Variants in SLC35F3 observed in about 807,000 individuals in gnomAD.
The protein encoded by SLC35F3 is solute carrier family 35 member F3, also known as putative thiamine transporter SLC35F3.
A neutral mutation model predicts 49.9 loss-of-function variants in SLC35F3; 25 were observed. The observed-to-expected ratio is 0.50, with a 90% confidence interval of 0.37 to 0.70. The LOEUF is 0.70. SLC35F3 is among the 30% of genes least tolerant of loss of function. The pLI, the probability that SLC35F3 is intolerant of heterozygous loss-of-function variation, is 0.00. For missense variants in SLC35F3, 525 were observed against 639.8 expected (o/e 0.82, Z 1.94); for synonymous variants, 275 against 265.4 (o/e 1.04, Z -0.35).
chr1:234,197,248 A>T (rs185088528), intron 2 of SLC35F3, among the ~76,000 whole-genome samples: 1 of 152,312 alleles, frequency 6.6e-6, no homozygotes, highest in East Asian at 1.9e-4. Context: ...CCCTATCATG[A>T]GGTGTTGCTG....
intron 2 of SLC35F3, among the ~76,000 whole-genome samples, chr1:234,113,618 C>G (rs1268285878): frequency 6.6e-6 from 1 of 152,150 alleles, no homozygotes; most frequent in East Asian, 1.9e-4. Flanking sequence ...AATCCCAGCA[C>G]TTTGGGAGGA....
At chr1:233,981,484 T>G (rs35115752) in intron 2 of SLC35F3, among the ~76,000 whole-genome samples, 30,569 of 152,162 alleles carry the variant, frequency 0.2, 3,358 homozygotes, top group East Asian at 0.38. Flanking sequence ...AGTCACGTGG[T>G]GCAGGATCCT....
chr1:233,999,591 C>T (rs1476838731), intron 2 of SLC35F3, among the ~76,000 whole-genome samples: 1 of 152,026 alleles, frequency 6.6e-6, no homozygotes, highest in Non-Finnish European at 1.5e-5. Flanking sequence ...TTTCCTGTTT[C>T]GCTTCCCATC....
At chr1:234,134,173 A>G (rs549957810) in intron 2 of SLC35F3, among the ~76,000 whole-genome samples, 3 of 152,040 alleles carry the variant, frequency 2.0e-5, no homozygotes, top group East Asian at 3.9e-4. Flanking sequence ...AGCGATTACT[A>G]TTGTAGGCAC....
At chr1:234,137,638 G>C (rs1018850149) in intron 2 of SLC35F3, among the ~76,000 whole-genome samples, 2 of 152,232 alleles carry the variant, frequency 1.3e-5, no homozygotes, top group Non-Finnish European at 2.9e-5. Flanking sequence ...TCCTGAGTAA[G>C]AGGCATCTTC....
At chr1:234,314,739 G>A (rs6699415) in intron 4 of SLC35F3, among the ~76,000 whole-genome samples, 5,239 of 152,270 alleles carry the variant, frequency 0.034, 311 homozygotes, top group African/African-American at 0.12. Context: ...TCCAACCTGG[G>A]CAACAAAGCA....
At chr1:233,945,569 C>G (rs1662499885) in intron 2 of SLC35F3, among the ~76,000 whole-genome samples, 1 of 152,194 alleles carries the variant, frequency 6.6e-6, no homozygotes, top group East Asian at 1.9e-4. Flanking sequence ...GGTCACATAT[C>G]TCAGGGATGT....
At chr1:234,000,241 A>C (rs964315598) in intron 2 of SLC35F3, among the ~76,000 whole-genome samples, 30 of 152,226 alleles carry the variant, frequency 2.0e-4, no homozygotes, top group African/African-American at 7.2e-4. Context: ...TCCTAGTGCA[A>C]TAAGCATGTA....
At chr1:233,971,150 C>T (rs1286324015) in intron 2 of SLC35F3, among the ~76,000 whole-genome samples, 1 of 152,176 alleles carries the variant, frequency 6.6e-6, no homozygotes, top group Non-Finnish European at 1.5e-5. Context: ...TGATATACAT[C>T]TGACTGGGGT....
chr1:234,305,092 G>A (rs1177283863), intron 3 of SLC35F3, among the ~76,000 whole-genome samples: 1 of 152,194 alleles, frequency 6.6e-6, no homozygotes, highest in Non-Finnish European at 1.5e-5. Flanking sequence ...GTCTAGAATT[G>A]TGGGAATGGC....
At chr1:234,203,437 G>A (rs1221975751) in intron 2 of SLC35F3, among the ~76,000 whole-genome samples, 1 of 152,162 alleles carries the variant, frequency 6.6e-6, no homozygotes, top group Non-Finnish European at 1.5e-5. Flanking sequence ...TTTTGGCCAG[G>A]CGCAAGGGCT....
At chr1:234,209,447 T>C (rs1667019302) in intron 2 of SLC35F3, among the ~76,000 whole-genome samples, 1 of 152,124 alleles carries the variant, frequency 6.6e-6, no homozygotes, top group Non-Finnish European at 1.5e-5. Context: ...CACCATTAGC[T>C]TCCTGGATAA....
intron 3 of SLC35F3, among the ~76,000 whole-genome samples, chr1:234,249,366 A>G (rs1235007656): frequency 6.6e-6 from 1 of 152,184 alleles, no homozygotes; most frequent in Non-Finnish European, 1.5e-5. Context: ...GGAATTCTTC[A>G]TGGCCTTGCC....
chr1:234,006,574 G>A (rs980717498), intron 2 of SLC35F3, among the ~76,000 whole-genome samples: 1 of 152,210 alleles, frequency 6.6e-6, no homozygotes, highest in Non-Finnish European at 1.5e-5. Context: ...AAAGTATATG[G>A]TGTGTGCCTC....
At chr1:234,073,381 A>T (rs546396588) in intron 2 of SLC35F3, among the ~76,000 whole-genome samples, 7 of 152,306 alleles carry the variant, frequency 4.6e-5, no homozygotes, top group African/African-American at 1.7e-4. Flanking sequence ...CCTGGGCTCA[A>T]GAGATCCTCC....
intron 2 of SLC35F3, among the ~76,000 whole-genome samples, chr1:234,166,295 A>G (rs1666317655): frequency 6.6e-6 from 1 of 152,146 alleles, no homozygotes; most frequent in Non-Finnish European, 1.5e-5. Context: ...TGTTACAACC[A>G]ATGACCCTGC....
intron 2 of SLC35F3, among the ~76,000 whole-genome samples, chr1:234,187,691 A>T (rs779269362): frequency 2.6e-5 from 4 of 152,226 alleles, no homozygotes; most frequent in Non-Finnish European, 5.9e-5. Flanking sequence ...TTGAGCTGAG[A>T]CAATGTAGAC....
intron 2 of SLC35F3, among the ~76,000 whole-genome samples, chr1:234,100,299 G>A (rs1665194891): frequency 6.6e-6 from 1 of 152,050 alleles, no homozygotes; most frequent in Non-Finnish European, 1.5e-5. Flanking sequence ...TTTCTCCAAC[G>A]TCTGCCGAGA....
intron 3 of SLC35F3, among the ~76,000 whole-genome samples, chr1:234,297,669 T>A (rs557337269): frequency 5.0e-4 from 75 of 150,634 alleles, no homozygotes; most frequent in African/African-American, 1.8e-3. Context: ...ACTTGAGCCC[T>A]GGAGATTGAG....
Sources: allele counts gnomAD v4.1 joint callset (sites outside exome capture counted in the v4.1 genomes callset), GRCh38; gene constraint gnomAD v4.1.1; transcripts MANE v1.5; gene names NCBI Gene and HGNC (gene_info 2026-07-23, HGNC 2026-07-21).